Variants in ZNF723 observed in about 807,000 individuals in gnomAD.
The protein encoded by ZNF723 is zinc finger protein 723, pseudogene.
In ZNF723, 5 loss-of-function variants were observed where a neutral mutation model predicts 9.4. That is an observed-to-expected ratio of 0.53 (90% CI 0.28 to 1.12). The LOEUF (loss-of-function observed/expected upper bound fraction) is 1.12. ZNF723 is among the 50% of genes most tolerant of loss of function. ZNF723 has a pLI of 0.10. For missense variants in ZNF723, 450 were observed against 501.5 expected, an observed-to-expected ratio of 0.90 and a Z score of 0.98; for synonymous variants, 158 against 168.8, an observed-to-expected ratio of 0.94 and a Z score of 0.49.
intron 3 of ZNF723, among the ~76,000 whole-genome samples, chr19:22,851,127 T>C (rs1967389191): frequency 6.6e-6 from 1 of 152,016 alleles, no homozygotes; most frequent in African/African-American, 2.4e-5. Flanking sequence ...TCTATATGTG[T>C]CTCTATATTT....
the ZNF723 span, among the ~76,000 whole-genome samples, chr19:22,820,566 T>C: frequency 6.6e-6 from 1 of 152,182 alleles, no homozygotes; most frequent in African/African-American, 2.4e-5. Flanking sequence ...AGATCATAGA[T>C]GCAATAATGA....
the ZNF723 span, among the ~76,000 whole-genome samples, chr19:22,816,827 C>CAGGTGAT: frequency 6.6e-6 from 1 of 152,238 alleles, no homozygotes; most frequent in Non-Finnish European, 1.5e-5. Flanking sequence ...GTCCAGCACC[C>CAGGTGAT]AGGTGATATG....
the ZNF723 span, among the ~76,000 whole-genome samples, chr19:22,812,729 T>C: frequency 6.6e-6 from 1 of 151,970 alleles, no homozygotes; most frequent in African/African-American, 2.4e-5. Context: ...AGGTCCCAAG[T>C]CTCCCTCATG....
chr19:22,822,753 T>G, the ZNF723 span, among the ~76,000 whole-genome samples: 1 of 152,100 alleles, frequency 6.6e-6, no homozygotes, highest in Non-Finnish European at 1.5e-5. Context: ...TCCCAGCTAC[T>G]CAGGAGGCTG....
intron 1 of ZNF723, among the ~76,000 whole-genome samples, chr19:22,833,095 G>A (rs1235775507): frequency 6.6e-6 from 1 of 151,560 alleles, no homozygotes; most frequent in African/African-American, 2.4e-5. Context: ...TTTTTTTTAA[G>A]TAGGAATCCA....
At chr19:22,828,730 C>G (rs1353043641), upstream of ZNF723, among the ~76,000 whole-genome samples, 3 of 152,070 alleles carry the variant, frequency 2.0e-5, no homozygotes, top group Non-Finnish European at 4.4e-5. Context: ...ACAGACCAAA[C>G]CAAACCAAAA....
intron 1 of ZNF723, among the ~76,000 whole-genome samples, chr19:22,845,300 A>T (rs1967293951): frequency 6.6e-6 from 1 of 152,186 alleles, no homozygotes; most frequent in African/African-American, 2.4e-5. Flanking sequence ...AGTTTCTGCC[A>T]TTGTAATTAA....
chr19:22,847,067 T>C (rs965804711), intron 1 of ZNF723, among the ~76,000 whole-genome samples: 22 of 151,246 alleles, frequency 1.5e-4, no homozygotes, highest in Admixed American at 1.5e-3. Flanking sequence ...ATTTTTTTCT[T>C]TGTTATTTTA....
At chr19:22,825,156 G>A in the ZNF723 span, among the ~76,000 whole-genome samples, 1 of 152,172 alleles carries the variant, frequency 6.6e-6, no homozygotes, top group Non-Finnish European at 1.5e-5. Context: ...AGTTAAAATT[G>A]TGACTCTCAT....
intron 3 of ZNF723, among the ~76,000 whole-genome samples, chr19:22,853,220 C>T (rs956261070): frequency 3.0e-4 from 45 of 151,996 alleles, no homozygotes; most frequent in Admixed American, 1.3e-4. Flanking sequence ...AATTCTGTAG[C>T]TCGTAATGTG....
the ZNF723 span, among the ~76,000 whole-genome samples, chr19:22,812,629 C>T: frequency 6.6e-6 from 1 of 152,118 alleles, no homozygotes; most frequent in Admixed American, 6.6e-5. Context: ...CTTAAAGAAC[C>T]TAGCGCACAG....
intron 1 of ZNF723, among the ~76,000 whole-genome samples, chr19:22,845,438 G>A (rs1037798887): frequency 6.6e-6 from 1 of 152,160 alleles, no homozygotes; most frequent in African/African-American, 2.4e-5. Context: ...AGAGCCTCAT[G>A]TGATTCTAAG....
Position 22,834,344 on chromosome 19 carries a change from C to T in ZNF723, c.3+1962C>T, listed in dbSNP as rs190310987. ...TTTAGAAGAAAGCAAAGAATAATCCCCTTGCAATGTACTGTAAATAAATCT... is the reference window on the plus strand; with the variant it reads ...TTTAGAAGAAAGCAAAGAATAATCCTCTTGCAATGTACTGTAAATAAATCT... On this transcript the variant is annotated intron_variant, in intron 1 of 3. Coordinates refer to ENST00000600766, the MANE Select transcript of ZNF723 (RefSeq NM_001349726.2). Among the ~76,000 whole-genome samples the T allele has an allele frequency of 2.2e-4, 33 of 152,200 alleles. No homozygotes were observed. In the East Asian group the frequency reaches 4.4e-3, roughly 20 times the overall value.
intron 3 of ZNF723, among the ~76,000 whole-genome samples, chr19:22,851,872 C>T (rs912829487): frequency 3.3e-5 from 5 of 152,096 alleles, no homozygotes; most frequent in East Asian, 1.9e-4. Context: ...CCGCTACTTC[C>T]GCCTCCTGGG....
upstream of ZNF723, among the ~76,000 whole-genome samples, chr19:22,831,616 T>TA (rs1447663986): frequency 1.3e-5 from 2 of 148,544 alleles, no homozygotes; most frequent in South Asian, 2.1e-4. Context: ...ATTGCCTTTT[T>TA]AAAAAAAATC....
chr19:22,838,049 G>T (rs915282524), intron 1 of ZNF723, among the ~76,000 whole-genome samples: 1 of 152,030 alleles, frequency 6.6e-6, no homozygotes, highest in African/African-American at 2.4e-5. Flanking sequence ...TTGTTTTAGG[G>T]GTACACGTGC....
At chr19:22,841,967 C>A (rs972299146) in intron 1 of ZNF723, among the ~76,000 whole-genome samples, 4 of 152,062 alleles carry the variant, frequency 2.6e-5, no homozygotes, top group African/African-American at 9.7e-5. Context: ...AAAATGAGAA[C>A]ACAATTTTGT....
chr19:22,846,644 T>G (rs1040076059), intron 1 of ZNF723, among the ~76,000 whole-genome samples: 3 of 151,924 alleles, frequency 2.0e-5, no homozygotes, highest in African/African-American at 4.8e-5. Context: ...ATGAGATTTA[T>G]TACCCAGAAA....
chr19:22,837,102 G>C (rs925741614), intron 1 of ZNF723, among the ~76,000 whole-genome samples: 42 of 151,916 alleles, frequency 2.8e-4, no homozygotes, highest in African/African-American at 9.4e-4. Context: ...AGACGAGCCT[G>C]GCCAACATGG....
Sources: allele counts gnomAD v4.1 joint callset (sites outside exome capture counted in the v4.1 genomes callset), GRCh38; gene constraint gnomAD v4.1.1; transcripts MANE v1.5; gene names NCBI Gene and HGNC (gene_info 2026-07-23, HGNC 2026-07-21).